HMCES: variants seen among roughly 807,000 people sequenced by gnomAD.
HMCES encodes 5-hydroxymethylcytosine binding, ES cell specific.
HMCES carries 27 observed loss-of-function variants against 35.1 expected under a neutral mutation model. The observed-to-expected ratio is 0.77, with a 90% confidence interval of 0.57 to 1.06. The LOEUF is 1.06. HMCES is among the 50% of genes least tolerant of loss of function. The probability of loss-of-function intolerance (pLI) is 0.00; values close to 1 mark genes in which losing one functional copy is unlikely to be tolerated. For missense variants in HMCES, 391 were observed against 430.4 expected, an observed-to-expected ratio of 0.91 and a Z score of 0.81; for synonymous variants, 130 against 154.7, an observed-to-expected ratio of 0.84 and a Z score of 1.18.
intron 2 of HMCES, among the ~76,000 whole-genome samples, chr3:129,285,897 T>C (rs1173970590): frequency 6.6e-6 from 1 of 151,928 alleles, no homozygotes; most frequent in Non-Finnish European, 1.5e-5. Context: ...ACCCAGCTAA[T>C]TTTTGTATTT....
intron 3 of HMCES, 55 bp downstream of exon 3, chr3:129,289,052 G>A: frequency 7.2e-7 from 1 of 1,397,338 alleles, no homozygotes; most frequent in Admixed American, 2.1e-5. Flanking sequence ...AGGTTCCAAA[G>A]GGTGTTTCCA....
At chr3:129,289,134 A>G (rs1940727132) in intron 3 of HMCES, 137 bp downstream of exon 3, 1 of 690,364 alleles carries the variant, frequency 1.4e-6, no homozygotes, top group Admixed American at 3.3e-5. Flanking sequence ...GTTAATGTGG[A>G]ATGCTATTTT....
chr3:129,288,773 T>C, intron 2 of HMCES, 81 bp from the exon 3 acceptor site: 1 of 1,044,614 alleles, frequency 9.6e-7, no homozygotes, highest in South Asian at 2.8e-5. Context: ...TCAATACTCC[T>C]AAATAATGTA....
intron 4 of HMCES, among the ~76,000 whole-genome samples, chr3:129,297,928 G>A (rs2071113459): frequency 6.6e-6 from 1 of 152,152 alleles, no homozygotes; most frequent in Admixed American, 6.6e-5. Context: ...AATTTTGAAT[G>A]GCAATTAGGA....
intron 5 of HMCES, 111 bp from the exon 6 acceptor site, chr3:129,301,839 G>C (rs2071172610): frequency 3.4e-6 from 3 of 871,932 alleles, no homozygotes; most frequent in Non-Finnish European, 5.4e-6. Context: ...CGCAGAGGGA[G>C]GGCAAGCTCC....
chr3:129,302,708 T>G (rs1359532482), intron 6 of HMCES, among the ~76,000 whole-genome samples: 2 of 151,688 alleles, frequency 1.3e-5, no homozygotes, highest in East Asian at 3.9e-4. Flanking sequence ...AGGGCGAGAC[T>G]GCGTTTCAAA....
At chr3:129,289,806 C>T (rs995526448) in intron 3 of HMCES, among the ~76,000 whole-genome samples, 5 of 152,138 alleles carry the variant, frequency 3.3e-5, no homozygotes, top group African/African-American at 1.2e-4. Flanking sequence ...ATGACAAGTA[C>T]CTATTTGTTA....
chr3:129,303,619 A>G (rs1243065371), intron 6 of HMCES, among the ~76,000 whole-genome samples: 1 of 152,194 alleles, frequency 6.6e-6, no homozygotes, highest in Non-Finnish European at 1.5e-5. Context: ...TTTCAAAGTC[A>G]TGTAAGCACT....
chr3:129,279,781 G>A lies in HMCES; in HGVS notation c.49G>A (p.Ala17Thr), dbSNP rs773271088. Residue 17 changes from alanine (A) to threonine (T), a missense_variant, in exon 2 of 7, where the codon GCT (alanine) becomes ACT (threonine). Transcript: ENST00000383463. The surrounding 1 kb of genome is among the most constrained non-coding windows in gnomAD (Gnocchi z 4.2). ...CHLPRDVLTR[A>T]CAYQDRRGQQ... ...CTTACCTAGAGATGTTCTCACGAGA[G>A]CTTGCGCCTACCAGGATCGGCGGGG... 3.7e-6 allele frequency: 6 copies of A among 1,613,756 alleles called. No homozygotes were observed. The Admixed American group carries it at 5.0e-5, about 13-fold the overall frequency.
intron 2 of HMCES, among the ~76,000 whole-genome samples, chr3:129,285,482 T>G (rs1426066648): frequency 6.6e-6 from 1 of 151,856 alleles, no homozygotes; most frequent in Non-Finnish European, 1.5e-5. Flanking sequence ...GATGGAGTCT[T>G]GCTCTGTTGC....
intron 2 of HMCES, among the ~76,000 whole-genome samples, chr3:129,280,507 T>TA (rs1940444455): frequency 6.6e-6 from 1 of 152,128 alleles, no homozygotes; most frequent in South Asian, 2.1e-4. Flanking sequence ...AGAAAAAATT[T>TA]AAAAAAATAA....
chr3:129,283,409 A>G (rs1292927801), intron 2 of HMCES, among the ~76,000 whole-genome samples: 1 of 149,330 alleles, frequency 6.7e-6, no homozygotes, highest in East Asian at 2.0e-4. Context: ...ATGGCTCACT[A>G]CAACCTTGAC....
At chr3:129,282,958 TGATCAGTG>T (rs1308070462) in intron 2 of HMCES, among the ~76,000 whole-genome samples, 1 of 152,204 alleles carries the variant, frequency 6.6e-6, no homozygotes, top group African/African-American at 2.4e-5. Flanking sequence ...CTCTCAGCGC[TGATCAGTG>T]GAATTTGTGA....
At chr3:129,293,073 T>G (rs1434518143) in intron 4 of HMCES, among the ~76,000 whole-genome samples, 1 of 152,244 alleles carries the variant, frequency 6.6e-6, no homozygotes, top group African/African-American at 2.4e-5. Context: ...TTGCATATAC[T>G]CTAGTCAGTT....
intron 4 of HMCES, among the ~76,000 whole-genome samples, chr3:129,295,084 A>G (rs1020388145): frequency 6.6e-6 from 1 of 150,622 alleles, no homozygotes; most frequent in Non-Finnish European, 1.5e-5. Context: ...GCATGAACCC[A>G]GGAGGCAGAG....
chr3:129,286,339 C>T (rs1157076210), intron 2 of HMCES, among the ~76,000 whole-genome samples: 1 of 152,162 alleles, frequency 6.6e-6, no homozygotes, highest in Non-Finnish European at 1.5e-5. Context: ...GAGAAGGCAC[C>T]ATCTGTGAAC....
chr3:129,302,868 A>C (rs1251804207), intron 6 of HMCES, among the ~76,000 whole-genome samples: 1 of 152,078 alleles, frequency 6.6e-6, no homozygotes, highest in Non-Finnish European at 1.5e-5. Flanking sequence ...AAAAAAAAAA[A>C]AGCTTCTTTG....
Position 129,305,001 on chromosome 3 carries a change from G to A in HMCES, c.*176G>A. On this transcript the variant is annotated 3_prime_UTR_variant, in exon 7 of 7. Transcript: ENST00000383463. ...GTAGGAGCCCCTAGTGGGGCTGGTG[G>A]ACAGCTTTGGAAGAGGTGTCCTGCT... 2 of 608,498 alleles carry A rather than the reference G, an allele frequency of 3.3e-6. No individual in the cohort carries two copies. Among genetic ancestry groups the A allele is most frequent in the Non-Finnish European group, 5.8e-6 (2 of 345,514 alleles). 37.7% of individuals were successfully genotyped at this position (608,498 alleles called of 1,614,324 possible). A position where few individuals can be genotyped will look rare whatever the true frequency, so the allele number is the denominator to read the frequency against.
rs1029039156 is a variant in HMCES at position 129,298,260 on chromosome 3, G to T, written c.454-94G>T. The T allele has an allele frequency of 1.7e-5, 19 of 1,148,698 alleles. No homozygotes were observed. In the African/African-American group the frequency reaches 2.5e-4, roughly 15 times the overall value. The allele number at this position is 1,148,698 out of a possible 1,614,324, so 71.2% of individuals were successfully genotyped here. A position where few individuals can be genotyped will look rare whatever the true frequency, so the allele number is the denominator to read the frequency against. The stretch of plus-strand genomic sequence containing the variant: ...ACGTGGGCTGAATTACTTTTAAAAT[G>T]ATTTCCGTGCTCTCGAGTCTGAAGT... On this transcript the variant is annotated intron_variant, in intron 4 of 6. Coordinates refer to ENST00000383463, the MANE Select transcript of HMCES (RefSeq NM_020187.3).
Sources: allele counts gnomAD v4.1 joint callset (sites outside exome capture counted in the v4.1 genomes callset), GRCh38; gene constraint gnomAD v4.1.1; non-coding constraint Gnocchi (gnomAD v3.1); transcripts MANE v1.5; gene names NCBI Gene and HGNC (gene_info 2026-07-23, HGNC 2026-07-21).